Variants in USP12 observed in about 807,000 individuals in gnomAD.
The protein encoded by USP12 is ubiquitin specific peptidase 12, also known as ubiquitin carboxyl-terminal hydrolase 12.
USP12 carries 19 observed loss-of-function variants against 45.5 expected under a neutral mutation model. That is an observed-to-expected ratio of 0.42 (90% CI 0.29 to 0.61). USP12 has a LOEUF of 0.61. Ranked by LOEUF, USP12 falls within the 20% of genes least tolerant of loss-of-function variation. The pLI is 0.22. For missense variants in USP12, 242 were observed against 447.7 expected, an observed-to-expected ratio of 0.54 and a Z score of 4.15; for synonymous variants, 149 against 148.8, an observed-to-expected ratio of 1.00 and a Z score of -0.01.
intron 1 of USP12, among the ~76,000 whole-genome samples, chr13:27,168,764 A>G (rs1181012655): frequency 3.3e-5 from 5 of 152,194 alleles, no homozygotes; most frequent in African/African-American, 1.2e-4. Context: ...ATGTAAGCAC[A>G]ACACTAGTGA....
chr13:27,149,532 C>T (rs752219865), intron 1 of USP12, among the ~76,000 whole-genome samples: 2 of 152,042 alleles, frequency 1.3e-5, no homozygotes, highest in African/African-American at 4.8e-5. Flanking sequence ...AGCAAGGTTG[C>T]GGGTTCTAAA....
rs117391359 is a variant in USP12, at chr13:27,106,215, A to G, written c.130-271T>C. Among the ~76,000 whole-genome samples, 21 of 152,316 alleles carry G rather than the reference A, an allele frequency of 1.4e-4. No homozygotes were observed. The East Asian group carries it at 4.0e-3, about 29-fold the overall frequency. ...AAAAAACAAGATCCCCTGAAACGTT[A>G]CATGAAAAAGTCACCAGTATGACAG... On this transcript the variant is annotated intron_variant, in intron 2 of 8. Coordinates refer to ENST00000282344, the MANE Select transcript of USP12 (RefSeq NM_182488.4).
chr13:27,159,551 A>G (rs1170648159), intron 1 of USP12, among the ~76,000 whole-genome samples: 1 of 152,234 alleles, frequency 6.6e-6, no homozygotes, highest in East Asian at 1.9e-4. Context: ...GGCCTTGTTA[A>G]CTTGGATGTC....
intron 2 of USP12, 26 bp downstream of exon 2, chr13:27,116,490 C>A: frequency 6.2e-7 from 1 of 1,606,316 alleles, no homozygotes; most frequent in South Asian, 1.1e-5. Context: ...GAACATGATT[C>A]TAAAAGCGTA....
At chr13:27,137,689 G>C (rs906835494) in intron 1 of USP12, among the ~76,000 whole-genome samples, 4 of 152,236 alleles carry the variant, frequency 2.6e-5, no homozygotes, top group Non-Finnish European at 4.4e-5. Flanking sequence ...CAGCCTGCTA[G>C]TATCCATGCC....
chr13:27,094,742 T>C lies in USP12; in HGVS notation c.573+859A>G, dbSNP rs370710296. Among the ~76,000 whole-genome samples the C allele has an allele frequency of 2.8e-3, 405 of 146,186 alleles. 4 individuals carry two copies. The highest frequency in any genetic ancestry group is 1.0e-3 in the Non-Finnish European group (67 of 67,042). On this transcript the variant is annotated intron_variant, in intron 4 of 8. Transcript: ENST00000282344. ...TTAAAAAGGTGAGGGAGGCATATTCTCAAAAAAAAAAAGACCATGTAAATG... is the reference window on the plus strand; with the variant it reads ...TTAAAAAGGTGAGGGAGGCATATTCCCAAAAAAAAAAAGACCATGTAAATG...
Position 27,129,600 on chromosome 13 carries a change from G to A in USP12, c.49-13004C>T, listed in dbSNP as rs534106221. ...AGCACGCCTGTAGTCCCAGCTGTTCGGGAGGCTGAGGCAGGAGGATCATTA... is the reference window on the plus strand; with the variant it reads ...AGCACGCCTGTAGTCCCAGCTGTTCAGGAGGCTGAGGCAGGAGGATCATTA... On this transcript the variant is annotated intron_variant, in intron 1 of 8. Coordinates refer to ENST00000282344, the MANE Select transcript of USP12 (RefSeq NM_182488.4). This position sits in a 1 kb window ranked among gnomAD's most constrained non-coding sequence, Gnocchi z 4.0. Among the ~76,000 whole-genome samples, 1 of 152,228 alleles carries A rather than the reference G, an allele frequency of 6.6e-6. No individual in the cohort carries two copies. The highest frequency in any genetic ancestry group is 1.5e-5 in the Non-Finnish European group (1 of 68,024).
intron 6 of USP12, among the ~76,000 whole-genome samples, chr13:27,075,758 G>A (rs1271018680): frequency 3.3e-5 from 5 of 151,956 alleles, no homozygotes; most frequent in African/African-American, 4.8e-5. Context: ...GGCCAGGCGC[G>A]GTGGCTCACG....
chr13:27,137,970 G>A (rs564116462), intron 1 of USP12, among the ~76,000 whole-genome samples: 30 of 152,360 alleles, frequency 2.0e-4, no homozygotes, highest in Middle Eastern at 3.4e-3. Context: ...ACCAGAAAAA[G>A]CCTAGAGCCT....
At chr13:27,123,922 C>T (rs1308424887) in intron 1 of USP12, among the ~76,000 whole-genome samples, 1 of 152,134 alleles carries the variant, frequency 6.6e-6, no homozygotes, top group Non-Finnish European at 1.5e-5. Flanking sequence ...AGGTCTTGTC[C>T]TTTTCACACC....
intron 8 of USP12, 37 bp downstream of exon 8, chr13:27,071,034 A>G: frequency 6.4e-7 from 1 of 1,556,100 alleles, no homozygotes; most frequent in Non-Finnish European, 8.7e-7. Flanking sequence ...ACATATGCAT[A>G]CAACTTTCAA....
At chr13:27,157,262 T>C (rs1877882789) in intron 1 of USP12, among the ~76,000 whole-genome samples, 1 of 152,216 alleles carries the variant, frequency 6.6e-6, no homozygotes, top group Admixed American at 6.5e-5. Context: ...CCCTTTTTGC[T>C]TGATAAGTTT....
In USP12 at chr13:27,113,452, G is replaced by A. The variant is rs115893650; in HGVS notation, c.129+3064C>T. Among the ~76,000 whole-genome samples, 375 of 152,242 alleles carry A rather than the reference G, an allele frequency of 2.5e-3. 3 individuals are homozygous for A. The highest frequency in any genetic ancestry group is 8.6e-3 in the African/African-American group (356 of 41,550). ...TGCCCTCTTGCACCAACCAGTTCTT[G>A]TTTAGGTGACATTTTAGAACATTGT... On this transcript the variant is annotated intron_variant, in intron 2 of 8. Transcript: ENST00000282344.
intron 3 of USP12, among the ~76,000 whole-genome samples, chr13:27,102,409 TCAAA>T (rs145895038): frequency 0.05 from 7,603 of 152,212 alleles, 238 homozygotes; most frequent in Non-Finnish European, 0.059. Context: ...AAGGGTCTTC[TCAAA>T]CAAATCAGAA....
chr13:27,129,226 T>G lies in USP12; in HGVS notation c.49-12630A>C, dbSNP rs1343515039. 2.3e-5 allele frequency among the ~76,000 whole-genome samples: 2 copies of G among 86,804 alleles called. No individual in the cohort carries two copies. The highest frequency in any genetic ancestry group is 5.7e-5 in the African/African-American group (2 of 35,010). The allele number at this position is 86,804 out of a possible 152,430, so 56.9% of individuals were successfully genotyped here. A position where few individuals can be genotyped will look rare whatever the true frequency, so the allele number is the denominator to read the frequency against. The stretch of plus-strand genomic sequence containing the variant: ...CAGGAATATTATATTAAACCACAGT[T>G]AAGTGGAAAGAACAAAGCAGCATCT... On this transcript the variant is annotated intron_variant, in intron 1 of 8. Coordinates refer to ENST00000282344, the MANE Select transcript of USP12 (RefSeq NM_182488.4). The surrounding 1 kb of genome is among the most constrained non-coding windows in gnomAD (Gnocchi z 4.0).
intron 1 of USP12, 75 bp from the exon 2 acceptor site, chr13:27,116,671 G>T: frequency 7.2e-7 from 1 of 1,390,004 alleles, no homozygotes; most frequent in Non-Finnish European, 9.9e-7. Context: ...GTCAATGACA[G>T]GCCGCAACAT....
chr13:27,151,032 A>G (rs1334179783), intron 1 of USP12, among the ~76,000 whole-genome samples: 3 of 152,216 alleles, frequency 2.0e-5, no homozygotes, highest in African/African-American at 7.2e-5. Flanking sequence ...CATGAACGAC[A>G]AAAGAAAAAA....
chr13:27,097,404 G>A (rs1874640077), intron 3 of USP12, among the ~76,000 whole-genome samples: 1 of 152,200 alleles, frequency 6.6e-6, no homozygotes, highest in Admixed American at 6.5e-5. Context: ...GGTAGAGGTT[G>A]CAGTGAGCCG....
chr13:27,107,509 T>C (rs1198465072), intron 2 of USP12, among the ~76,000 whole-genome samples: 1 of 151,712 alleles, frequency 6.6e-6, no homozygotes, highest in Non-Finnish European at 1.5e-5. Flanking sequence ...AAACTTCAGT[T>C]AGAAATATCA....
Sources: allele counts gnomAD v4.1 joint callset (sites outside exome capture counted in the v4.1 genomes callset), GRCh38; gene constraint gnomAD v4.1.1; non-coding constraint Gnocchi (gnomAD v3.1); transcripts MANE v1.5; gene names NCBI Gene and HGNC (gene_info 2026-07-23, HGNC 2026-07-21).